The following RALGAPA1 variants were observed in gnomAD, a reference collection of about 807,000 sequenced individuals.
RALGAPA1 encodes the protein Ral GTPase activating protein catalytic subunit alpha 1, also known as ral GTPase-activating protein subunit alpha-1.
Under a neutral mutation model 269.6 loss-of-function variants are expected in RALGAPA1, and 52 were observed. The observed-to-expected ratio is 0.19, with a 90% confidence interval of 0.15 to 0.24. The LOEUF (loss-of-function observed/expected upper bound fraction) is 0.24, where lower values mean the gene tolerates loss of function less well. RALGAPA1 is among the 10% of genes least tolerant of loss of function. The pLI is 1.00. For synonymous variants in RALGAPA1, 817 were observed against 1,008.3 expected (o/e 0.81, Z 3.60); for missense variants, 1,917 against 3,013.9 (o/e 0.64, Z 8.52).
rs201783643 is a variant in RALGAPA1, at chr14:35,539,667, T to C, written c.*47A>G. 6 of 1,614,116 alleles carry C rather than the reference T, an allele frequency of 3.7e-6. No individual in the cohort carries two copies. In the East Asian group the frequency reaches 1.1e-4, roughly 30 times the overall value. The stretch of plus-strand genomic sequence containing the variant: ...ACCTGCGTTGCTGTGGGAGTTTCAC[T>C]GGGTAGAATCTCTGGGTAGGAGCCT... On this transcript the variant is annotated 3_prime_UTR_variant, in exon 42 of 42. Coordinates refer to ENST00000680220, the MANE Select transcript of RALGAPA1 (RefSeq NM_001346249.2).
chr14:35,769,067 C>A (rs865815207), intron 4 of RALGAPA1, among the ~76,000 whole-genome samples: 1 of 90,984 alleles, frequency 1.1e-5, no homozygotes, highest in Non-Finnish European at 2.1e-5. Flanking sequence ...TATATATATA[C>A]ACACACATAA....
At chr14:35,799,476 C>T (rs1156279330) in intron 1 of RALGAPA1, among the ~76,000 whole-genome samples, 2 of 151,732 alleles carry the variant, frequency 1.3e-5, no homozygotes, top group Non-Finnish European at 2.9e-5. Flanking sequence ...GCAGGAGAAT[C>T]GCTCTAACCT....
At chr14:35,808,350 T>G (rs1269939345) in intron 1 of RALGAPA1, among the ~76,000 whole-genome samples, 1 of 152,186 alleles carries the variant, frequency 6.6e-6, no homozygotes, top group Non-Finnish European at 1.5e-5. Flanking sequence ...TTATATTGTC[T>G]GAGAGAGGAT....
intron 4 of RALGAPA1, among the ~76,000 whole-genome samples, chr14:35,765,574 T>C (rs546549894): frequency 1.4e-3 from 208 of 152,258 alleles, no homozygotes; most frequent in African/African-American, 4.3e-3. Flanking sequence ...AATCATGGCC[T>C]ACTGCAGCCT....
chr14:35,758,709 C>T (rs758927218), intron 6 of RALGAPA1, among the ~76,000 whole-genome samples: 8 of 152,002 alleles, frequency 5.3e-5, no homozygotes, highest in Non-Finnish European at 1.2e-4. Flanking sequence ...TGTGAATAGC[C>T]ACTGCACTCT....
chr14:35,715,634 G>T, intron 16 of RALGAPA1: 1 of 689,870 alleles, frequency 1.4e-6, no homozygotes, highest in Non-Finnish European at 1.8e-6. Flanking sequence ...AATTTCTGGA[G>T]GCCTAACTGA....
intron 1 of RALGAPA1, among the ~76,000 whole-genome samples, chr14:35,790,684 TAAAAA>T (rs75409188): frequency 1.1e-5 from 1 of 92,412 alleles, no homozygotes; most frequent in Non-Finnish European, 2.4e-5. Flanking sequence ...AGAGACTGTC[TAAAAA>T]AAAAAAAAAA....
chr14:35,798,771 C>G (rs12894627), intron 1 of RALGAPA1, among the ~76,000 whole-genome samples: 18,464 of 152,028 alleles, frequency 0.12, 1,195 homozygotes, highest in South Asian at 0.14. Flanking sequence ...CACACGATCA[C>G]TTGGGGCCAG....
chr14:35,753,609 CCTATTAACA>C (rs2072924503), intron 7 of RALGAPA1, among the ~76,000 whole-genome samples: 1 of 152,022 alleles, frequency 6.6e-6, no homozygotes, highest in African/African-American at 2.4e-5. Flanking sequence ...ATTGTATGAT[CCTATTAACA>C]TGAAATGTCC....
intron 36 of RALGAPA1, among the ~76,000 whole-genome samples, chr14:35,597,640 G>A (rs1267863796): frequency 1.3e-5 from 2 of 152,260 alleles, no homozygotes; most frequent in East Asian, 3.9e-4. Flanking sequence ...AAGAGAGCAT[G>A]TTCAAAAATT....
chr14:35,617,047 A>G (rs1186262997), intron 35 of RALGAPA1, among the ~76,000 whole-genome samples: 3 of 152,250 alleles, frequency 2.0e-5, no homozygotes, highest in Admixed American at 2.0e-4. Context: ...GATAAATGCT[A>G]TGACAGGGAC....
At chr14:35,737,381 T>C (rs2071099387) in intron 12 of RALGAPA1, among the ~76,000 whole-genome samples, 1 of 152,144 alleles carries the variant, frequency 6.6e-6, no homozygotes, top group African/African-American at 2.4e-5. Flanking sequence ...GTTATTAATG[T>C]ACAAATCCTA....
rs764128128 is a variant in RALGAPA1 at position 35,638,349 on chromosome 14, TATTA to T, written c.5677-2755_5677-2752del. Among the ~76,000 whole-genome samples, 13 of 152,356 alleles carry T rather than the reference TATTA, an allele frequency of 8.5e-5. No homozygotes were observed. In the East Asian group the frequency reaches 1.2e-3, roughly 14 times the overall value. On this transcript the variant is annotated intron_variant, in intron 31 of 41. Coordinates refer to ENST00000680220, the MANE Select transcript of RALGAPA1 (RefSeq NM_001346249.2). ...GGATTAAGTTAATATGTAGAGTTGT[TATTA>T]ATTTTCTTTTTGCTTGTTGTTTATG...
chr14:35,720,392 C>A (rs1274394589), intron 16 of RALGAPA1, among the ~76,000 whole-genome samples: 2 of 152,136 alleles, frequency 1.3e-5, no homozygotes, highest in Non-Finnish European at 2.9e-5. Flanking sequence ...TCCTTTCAAA[C>A]CATAATTCTT....
At chr14:35,722,557 A>G (rs562774710) in intron 15 of RALGAPA1, among the ~76,000 whole-genome samples, 47 of 151,924 alleles carry the variant, frequency 3.1e-4, no homozygotes, top group African/African-American at 1.1e-3. Flanking sequence ...GGCTGCAGTG[A>G]GCCATGACTG....
chr14:35,767,042 C>T (rs2074217390), intron 4 of RALGAPA1: 1 of 353,728 alleles, frequency 2.8e-6, no homozygotes, highest in Non-Finnish European at 5.5e-6. Context: ...TATTCAACTT[C>T]AAGAACTTAT....
chr14:35,769,071 C>G (rs1326862518), intron 4 of RALGAPA1, among the ~76,000 whole-genome samples: 4 of 91,074 alleles, frequency 4.4e-5, no homozygotes, highest in African/African-American at 8.5e-5. Context: ...TATATACACA[C>G]ACATAAAATA....
At chr14:35,705,092 A>T (rs2067686484) in intron 16 of RALGAPA1, among the ~76,000 whole-genome samples, 1 of 152,024 alleles carries the variant, frequency 6.6e-6, no homozygotes, top group Non-Finnish European at 1.5e-5. Context: ...CCCCCTCCCT[A>T]CCAGTTTCCC....
chr14:35,678,848 A>G (rs1435615010), intron 21 of RALGAPA1, among the ~76,000 whole-genome samples: 1 of 151,984 alleles, frequency 6.6e-6, no homozygotes, highest in Non-Finnish European at 1.5e-5. Context: ...GTTAACTCCT[A>G]TTTATTTTCC....
Sources: gnomAD v4.1 joint callset for allele counts (sites outside exome capture counted in the v4.1 genomes callset) on GRCh38, gnomAD v4.1.1 for gene constraint, MANE v1.5 for transcripts, NCBI Gene and HGNC (gene_info 2026-07-23, HGNC 2026-07-21) for gene names.